SLC15A5: variants seen among roughly 807,000 people sequenced by gnomAD.
SLC15A5 encodes Peptide/histidine transporter ENSP00000340402.
In SLC15A5, 58 loss-of-function variants were observed where a neutral mutation model predicts 56.1. That is an observed-to-expected ratio of 1.03 (90% CI 0.84 to 1.29). The LOEUF is 1.29. Among genes scored for constraint, SLC15A5 ranks in the 50% most tolerant of loss-of-function variants. SLC15A5 has a pLI of 0.00. For synonymous variants in SLC15A5, 264 were observed against 250.5 expected (o/e 1.05, Z -0.51); for missense variants, 681 against 672.1 (o/e 1.01, Z -0.15).
intron 3 of SLC15A5, among the ~76,000 whole-genome samples, chr12:16,246,126 T>G (rs1016515862): frequency 6.6e-6 from 1 of 152,020 alleles, no homozygotes; most frequent in South Asian, 2.1e-4. Flanking sequence ...CTTTGTGAAG[T>G]GTGTTTAGGT....
chr12:16,248,457 T>C (rs1216739120), intron 3 of SLC15A5, among the ~76,000 whole-genome samples: 2 of 151,962 alleles, frequency 1.3e-5, no homozygotes, highest in Admixed American at 6.6e-5. Flanking sequence ...ATGTGCTAGA[T>C]GGGTTGTAAG....
intron 2 of SLC15A5, among the ~76,000 whole-genome samples, chr12:16,259,192 C>G (rs1309373578): frequency 8.0e-6 from 1 of 124,916 alleles, no homozygotes; most frequent in South Asian, 3.3e-4. Context: ...CACTACCATA[C>G]CTGGTAATTT....
At chr12:16,242,412 A>T (rs571287705) in intron 4 of SLC15A5, among the ~76,000 whole-genome samples, 1 of 116,052 alleles carries the variant, frequency 8.6e-6, no homozygotes, top group East Asian at 2.6e-4. Context: ...ATAATAAAGC[A>T]TGGCGCTTGA....
chr12:16,263,905 T>G (rs2136815057), intron 2 of SLC15A5, among the ~76,000 whole-genome samples: 1 of 152,338 alleles, frequency 6.6e-6, no homozygotes, highest in Non-Finnish European at 1.5e-5. Flanking sequence ...TGGAAACACC[T>G]GGATGTCCAG....
Position 16,271,960 on chromosome 12 carries a change from C to T in SLC15A5, c.584+601G>A, listed in dbSNP as rs1864763639. ...GCGAACTGGGTGAGAAACAGAGATG[C>T]TGGGTGATGCTTTAACAAATTGCAA... On this transcript the variant is annotated intron_variant, in intron 2 of 8. Transcript: ENST00000344941. This position sits in a 1 kb window ranked among gnomAD's most constrained non-coding sequence, Gnocchi z 8.0. Among the ~76,000 whole-genome samples, 1 of 152,134 alleles carries T rather than the reference C, an allele frequency of 6.6e-6. No individual in the cohort carries two copies. The highest frequency in any genetic ancestry group is 2.4e-5 in the African/African-American group (1 of 41,440).
chr12:16,267,428 T>C (rs1203260349), intron 2 of SLC15A5, among the ~76,000 whole-genome samples: 1 of 116,900 alleles, frequency 8.6e-6, no homozygotes, highest in Non-Finnish European at 1.8e-5. Context: ...AGCCAAATAT[T>C]TGGAGAAAGA....
intron 7 of SLC15A5, among the ~76,000 whole-genome samples, chr12:16,208,179 T>A (rs1864040074): frequency 6.6e-6 from 1 of 152,164 alleles, no homozygotes; most frequent in African/African-American, 2.4e-5. Flanking sequence ...TATCTTCTCC[T>A]TTCTCTCTTC....
chr12:16,277,478 T>G lies in SLC15A5; in HGVS notation c.208A>C (p.Ile70Leu). 1 of 1,536,514 alleles carries G rather than the reference T, an allele frequency of 6.5e-7. No homozygotes were observed. Among genetic ancestry groups the G allele is most frequent in the Non-Finnish European group, 8.7e-7 (1 of 1,146,448 alleles). The change falls in exon 1 of 9, where the codon ATC (isoleucine) becomes CTC (leucine). Residue 70 changes from isoleucine to leucine, a missense_variant. Coordinates refer to ENST00000344941, the MANE Select transcript of SLC15A5 (RefSeq NM_001170798.1). ...VVCNMIPFCT[I>L]KLGYHNCQAA... ...TGGCAATTGTGATAGCCAAGCTTGA[T>G]AGTGCAAAAGGGGATCATGTTGCAG... is the stretch of plus-strand genomic sequence containing the variant.
At chr12:16,198,875 C>T (rs1164502923) in intron 7 of SLC15A5, among the ~76,000 whole-genome samples, 1 of 152,104 alleles carries the variant, frequency 6.6e-6, no homozygotes, top group Non-Finnish European at 1.5e-5. Flanking sequence ...TAATGCCCTA[C>T]GTTGTAAGGC....
intron 7 of SLC15A5, among the ~76,000 whole-genome samples, chr12:16,201,821 G>C (rs1222795305): frequency 6.6e-6 from 1 of 152,108 alleles, no homozygotes; most frequent in Non-Finnish European, 1.5e-5. Flanking sequence ...TTGGGCAGCT[G>C]TTTATAGCAA....
At chr12:16,213,781 C>A (rs1333968682) in intron 7 of SLC15A5, among the ~76,000 whole-genome samples, 1 of 152,088 alleles carries the variant, frequency 6.6e-6, no homozygotes, top group Non-Finnish European at 1.5e-5. Flanking sequence ...GTGCCCCACC[C>A]CACAACCCAT....
chr12:16,192,274 TC>T (rs1863845063), intron 8 of SLC15A5, among the ~76,000 whole-genome samples: 1 of 152,114 alleles, frequency 6.6e-6, no homozygotes, highest in Non-Finnish European at 1.5e-5. Context: ...TTTCTTCCTC[TC>T]TCTCTATCTT....
At position 16,237,470 on chromosome 12, in the gene SLC15A5, GTC is replaced by G. The variant is rs1864363271; in HGVS notation, c.1162+2209_1162+2210del. 6.6e-6 allele frequency among the ~76,000 whole-genome samples: 1 copy of G among 152,040 alleles called. No homozygotes were observed. The highest frequency in any genetic ancestry group is 6.6e-5 in the Admixed American group (1 of 15,262). On this transcript the variant is annotated intron_variant, in intron 5 of 8. Coordinates refer to ENST00000344941, the MANE Select transcript of SLC15A5 (RefSeq NM_001170798.1). The surrounding 1 kb of genome is among the most constrained non-coding windows in gnomAD (Gnocchi z 4.1). ...GTTTTTCCTTTTTCCTGTGCAATAG[GTC>G]TTGTTACCAATCTTGAAGGGGAATA...
chr12:16,256,457 G>A (rs1799493), intron 3 of SLC15A5, among the ~76,000 whole-genome samples: 151,345 of 152,340 alleles, frequency 0.99, 75,184 homozygotes, highest in East Asian at 1. Context: ...ATCTAGGTCT[G>A]TTAGAAAATT....
At chr12:16,193,130 T>C (rs1377461290) in intron 8 of SLC15A5, among the ~76,000 whole-genome samples, 2 of 152,082 alleles carry the variant, frequency 1.3e-5, no homozygotes, top group Non-Finnish European at 2.9e-5. Flanking sequence ...AATGAGGCCA[T>C]GTGAAATCTG....
At chr12:16,227,993 T>A (rs1671514) in intron 5 of SLC15A5, among the ~76,000 whole-genome samples, 147,196 of 152,306 alleles carry the variant, frequency 0.97, 71,317 homozygotes, top group East Asian at 1. Flanking sequence ...TAGCAACTGA[T>A]GCAAAGAGCA....
intron 1 of SLC15A5, 33 bp downstream of exon 1, chr12:16,277,292 C>A: frequency 6.9e-7 from 1 of 1,448,260 alleles, no homozygotes; most frequent in South Asian, 1.5e-5. Context: ...TTAATTAAGT[C>A]ACAAAACAAT....
At position 16,267,927 on chromosome 12, in the gene SLC15A5, G is replaced by A. The variant is rs1195020496; in HGVS notation, c.584+4634C>T. On this transcript the variant is annotated intron_variant, in intron 2 of 8. Coordinates refer to ENST00000344941, the MANE Select transcript of SLC15A5 (RefSeq NM_001170798.1). Reference sequence around the variant, plus strand: ...GTAATTAAAAAAAAATGTTTTTTTGGTAGAGATGGGGTTACTCAGGCTTGT... The same window carrying A: ...GTAATTAAAAAAAAATGTTTTTTTGATAGAGATGGGGTTACTCAGGCTTGT... Among the ~76,000 whole-genome samples the A allele has an allele frequency of 1.8e-5, 2 of 109,936 alleles. 1 individual carries two copies. The highest frequency in any genetic ancestry group is 3.8e-5 in the Non-Finnish European group (2 of 52,618). 72.1% of individuals were successfully genotyped at this position (109,936 alleles called of 152,430 possible).
At position 16,266,702 on chromosome 12, in the gene SLC15A5, A is replaced by G. The variant is rs117064910; in HGVS notation, c.584+5859T>C. Among the ~76,000 whole-genome samples the G allele has an allele frequency of 1.4e-3, 220 of 152,342 alleles. 6 individuals are homozygous for G. The East Asian group carries it at 0.028, about 19-fold the overall frequency. ...CCCACAGTCTTCAAACTTACCATTA[A>G]GACTCCTTTCATCTCATAGCTCACT... On this transcript the variant is annotated intron_variant, in intron 2 of 8. Transcript: ENST00000344941.
Sources: allele counts gnomAD v4.1 joint callset (sites outside exome capture counted in the v4.1 genomes callset), GRCh38; gene constraint gnomAD v4.1.1; non-coding constraint Gnocchi (gnomAD v3.1); transcripts MANE v1.5; gene names NCBI Gene and HGNC (gene_info 2026-07-23, HGNC 2026-07-21).